Variants in SNTG1 observed in about 807,000 individuals in gnomAD.
The protein encoded by SNTG1 is syntrophin gamma 1, also known as gamma-1-syntrophin.
A neutral mutation model predicts 74.7 loss-of-function variants in SNTG1; 39 were observed. The observed-to-expected ratio is 0.52, with a 90% confidence interval of 0.40 to 0.68. The LOEUF (loss-of-function observed/expected upper bound fraction) is 0.68. Among genes scored for constraint, SNTG1 ranks in the 30% least tolerant of loss-of-function variants. The pLI is 0.00. For synonymous variants in SNTG1, 254 were observed against 217.1 expected (o/e 1.17, Z -1.49); for missense variants, 685 against 609.5 (o/e 1.12, Z -1.30).
intron 2 of SNTG1, among the ~76,000 whole-genome samples, chr8:50,212,880 C>T (rs1223465593): frequency 6.6e-6 from 1 of 152,146 alleles, no homozygotes; most frequent in Admixed American, 6.6e-5. Flanking sequence ...GAAGTTTTGG[C>T]TGGAAGTTCT....
At chr8:50,714,909 T>C (rs2095471473) in intron 17 of SNTG1, among the ~76,000 whole-genome samples, 2 of 152,072 alleles carry the variant, frequency 1.3e-5, no homozygotes. Flanking sequence ...TAGAATAATT[T>C]TGAACTTTGG....
intron 2 of SNTG1, among the ~76,000 whole-genome samples, chr8:50,379,115 T>A (rs1325934403): frequency 6.6e-6 from 1 of 152,290 alleles, no homozygotes; most frequent in Admixed American, 6.5e-5. Context: ...CCACCTCAGC[T>A]TCCCTTCTGT....
chr8:50,312,336 AAAT>A (rs2090145244), intron 2 of SNTG1, among the ~76,000 whole-genome samples: 1 of 152,154 alleles, frequency 6.6e-6, no homozygotes, highest in Non-Finnish European at 1.5e-5. Flanking sequence ...GATTGTCTCA[AAAT>A]AACACAGATA....
intron 9 of SNTG1, among the ~76,000 whole-genome samples, chr8:50,504,032 C>T (rs912312568): frequency 6.6e-6 from 1 of 152,120 alleles, no homozygotes; most frequent in Non-Finnish European, 1.5e-5. Context: ...TGTGGTTCTC[C>T]TCTATTTGTC....
chr8:50,616,637 C>G (rs140158425), intron 13 of SNTG1, among the ~76,000 whole-genome samples: 2 of 152,154 alleles, frequency 1.3e-5, no homozygotes, highest in East Asian at 1.9e-4. Flanking sequence ...TGAGCCCTCC[C>G]CCTCAGCTTC....
At chr8:50,343,377 C>T (rs1233342039) in intron 2 of SNTG1, among the ~76,000 whole-genome samples, 1 of 152,088 alleles carries the variant, frequency 6.6e-6, no homozygotes, top group South Asian at 2.1e-4. Flanking sequence ...GTTTATAAAA[C>T]TGTATTTTAA....
chr8:50,006,082 C>T (rs571163689), intron 1 of SNTG1, among the ~76,000 whole-genome samples: 65 of 150,978 alleles, frequency 4.3e-4, no homozygotes, highest in Middle Eastern at 3.4e-3. Context: ...CCTGCCTCAG[C>T]CTCCAAAGTA....
chr8:50,728,225 C>T (rs1170999358), intron 17 of SNTG1, among the ~76,000 whole-genome samples: 1 of 152,144 alleles, frequency 6.6e-6, no homozygotes, highest in Admixed American at 6.5e-5. Flanking sequence ...TAGTATATCT[C>T]CTAGATGAAA....
At chr8:49,927,483 ATTAAC>A (rs1807130789) in intron 1 of SNTG1, among the ~76,000 whole-genome samples, 1 of 152,196 alleles carries the variant, frequency 6.6e-6, no homozygotes, top group Admixed American at 6.5e-5. Flanking sequence ...ATATGTTAAT[ATTAAC>A]TTACTTAAGA....
intron 1 of SNTG1, among the ~76,000 whole-genome samples, chr8:50,014,387 G>A (rs1240184852): frequency 1.3e-5 from 2 of 152,020 alleles, no homozygotes; most frequent in African/African-American, 4.8e-5. Flanking sequence ...TAGTCACCTA[G>A]GGCTGTGATT....
At chr8:50,166,018 G>A (rs1453671909) in intron 1 of SNTG1, among the ~76,000 whole-genome samples, 2 of 133,150 alleles carry the variant, frequency 1.5e-5, no homozygotes, top group Non-Finnish European at 3.2e-5. Flanking sequence ...CAAGCAATGG[G>A]GAAAGGATTC....
intron 2 of SNTG1, among the ~76,000 whole-genome samples, chr8:50,207,318 T>C (rs1166657462): frequency 6.6e-6 from 1 of 152,232 alleles, no homozygotes; most frequent in Admixed American, 6.5e-5. Flanking sequence ...TCCAGGAATT[T>C]ATCCATTTCT....
At chr8:50,683,587 CCTAGGCAAGATA>C in intron 15 of SNTG1, among the ~76,000 whole-genome samples, 1 of 152,244 alleles carries the variant, frequency 6.6e-6, no homozygotes, top group East Asian at 1.9e-4. Context: ...TTTACATCTC[CCTAGGCAAGATA>C]CTAATACAGT....
At chr8:50,308,902 T>C (rs1229108294) in intron 2 of SNTG1, among the ~76,000 whole-genome samples, 1 of 151,916 alleles carries the variant, frequency 6.6e-6, no homozygotes. Flanking sequence ...GATGTTTTGT[T>C]TTTTTTTAAA....
At chr8:50,300,696 G>T (rs1012688722) in intron 2 of SNTG1, among the ~76,000 whole-genome samples, 4 of 152,042 alleles carry the variant, frequency 2.6e-5, no homozygotes, top group African/African-American at 4.8e-5. Context: ...GTGGATTCAA[G>T]TTACCATCTG....
At chr8:50,063,835 C>T (rs890710253) in intron 1 of SNTG1, among the ~76,000 whole-genome samples, 1 of 152,028 alleles carries the variant, frequency 6.6e-6, no homozygotes. Flanking sequence ...ATTCAAAATG[C>T]TGAAAATATA....
At chr8:50,722,427 C>G (rs2095490045) in intron 17 of SNTG1, among the ~76,000 whole-genome samples, 1 of 152,068 alleles carries the variant, frequency 6.6e-6, no homozygotes, top group Non-Finnish European at 1.5e-5. Context: ...CCTCCCACCT[C>G]AGCCTCCCAG....
At chr8:50,100,189 C>T (rs964411695) in intron 1 of SNTG1, among the ~76,000 whole-genome samples, 2 of 151,904 alleles carry the variant, frequency 1.3e-5, no homozygotes, top group Admixed American at 6.6e-5. Flanking sequence ...CATGTTCTCA[C>T]TCATATGCAG....
chr8:50,297,052 A>G lies in SNTG1; in HGVS notation c.-27-97160A>G, dbSNP rs549721880. Among the ~76,000 whole-genome samples, 15 of 152,288 alleles carry G rather than the reference A, an allele frequency of 9.8e-5. No individual in the cohort carries two copies. The East Asian group carries it at 2.9e-3, about 29-fold the overall frequency. On this transcript the variant is annotated intron_variant, in intron 2 of 18. Coordinates refer to ENST00000642720, the MANE Select transcript of SNTG1 (RefSeq NM_018967.5). ...TTTGGCACAGATTAGAATACATGGC[A>G]GTGCCCGGTATATTTTCATGGTCTT...
Sources: gnomAD v4.1 joint callset for allele counts (sites outside exome capture counted in the v4.1 genomes callset) on GRCh38, gnomAD v4.1.1 for gene constraint, MANE v1.5 for transcripts, NCBI Gene and HGNC (gene_info 2026-07-23, HGNC 2026-07-21) for gene names.